The following TCERG1L variants were observed in gnomAD, a reference collection of about 807,000 sequenced individuals.
TCERG1L encodes transcription elongation regulator 1 like, also known as transcription elongation regulator 1-like protein.
Under a neutral mutation model 56.3 loss-of-function variants are expected in TCERG1L, and 37 were observed. The ratio of observed to expected loss-of-function variants is 0.66; its 90% confidence interval spans 0.51 to 0.87. TCERG1L has a LOEUF of 0.87. Ranked by LOEUF, TCERG1L falls within the 40% of genes least tolerant of loss-of-function variation. The probability of loss-of-function intolerance (pLI) is 0.00; values close to 1 mark genes in which losing one functional copy is unlikely to be tolerated. For synonymous variants in TCERG1L, 324 were observed against 326.3 expected, an observed-to-expected ratio of 0.99 and a Z score of 0.08; for missense variants, 799 against 774.2, an observed-to-expected ratio of 1.03 and a Z score of -0.38.
At chr10:131,197,038 G>A (rs977177742) in intron 4 of TCERG1L, among the ~76,000 whole-genome samples, 1 of 152,062 alleles carries the variant, frequency 6.6e-6, no homozygotes, top group African/African-American at 2.4e-5. Context: ...GGGAGTCCAT[G>A]CCCCCCTCAC....
At chr10:131,307,458 T>C (rs1846828129) in intron 3 of TCERG1L, among the ~76,000 whole-genome samples, 1 of 152,154 alleles carries the variant, frequency 6.6e-6, no homozygotes, top group Admixed American at 6.5e-5. Flanking sequence ...AGGTAGGAAA[T>C]TACAAGAAGG....
intron 7 of TCERG1L, among the ~76,000 whole-genome samples, chr10:131,137,041 G>C (rs1189041962): frequency 6.6e-6 from 1 of 151,992 alleles, no homozygotes; most frequent in Non-Finnish European, 1.5e-5. Flanking sequence ...TCAGGAGGCT[G>C]AGGCAGGAGA....
chr10:131,116,319 T>C (rs1250902935), intron 9 of TCERG1L, among the ~76,000 whole-genome samples: 1 of 152,140 alleles, frequency 6.6e-6, no homozygotes, highest in Non-Finnish European at 1.5e-5. Context: ...GATAACCCCA[T>C]GGGGAAGCTA....
In TCERG1L at chr10:131,310,844, C is replaced by A. The variant is rs1311110931; in HGVS notation, c.342+450G>T. On this transcript the variant is annotated intron_variant, in intron 1 of 11. Transcript: ENST00000368642. Reference sequence around the variant, plus strand: ...AAATGAAAGGGGGAAAAACCCAAACCAGATTAGAATCTGAAACAGCTGAAA... The same window carrying A: ...AAATGAAAGGGGGAAAAACCCAAACAAGATTAGAATCTGAAACAGCTGAAA... Among the ~76,000 whole-genome samples, 3 of 152,236 alleles carry A rather than the reference C, an allele frequency of 2.0e-5. No homozygotes were observed. The East Asian group carries it at 5.8e-4, about 29-fold the overall frequency.
chr10:131,124,051 C>T (rs1845540618), intron 8 of TCERG1L, among the ~76,000 whole-genome samples: 3 of 152,118 alleles, frequency 2.0e-5, no homozygotes, highest in Admixed American at 2.0e-4. Context: ...GAGTGGGGGA[C>T]ACTTTTCTGT....
At position 131,308,268 on chromosome 10, in the gene TCERG1L, G is replaced by GCCT. The variant is rs1304922753; in HGVS notation, c.610_612dup (p.Arg204dup). On this transcript the variant is annotated inframe_insertion, in exon 3 of 12. Coordinates refer to ENST00000368642, the MANE Select transcript of TCERG1L (RefSeq NM_174937.4). ...GGGAGCGGCCTGGAGGCAGGAGCCG[G>GCCT]CCTGGACAGAGACACAGCTACTTGA... is the stretch of plus-strand genomic sequence containing the variant. 3 of 1,613,882 alleles carry GCCT rather than the reference G, an allele frequency of 1.9e-6. No individual in the cohort carries two copies. The highest frequency in any genetic ancestry group is 2.5e-6 in the Non-Finnish European group (3 of 1,179,906).
chr10:131,132,222 C>T (rs535864262), intron 8 of TCERG1L, among the ~76,000 whole-genome samples: 6 of 152,222 alleles, frequency 3.9e-5, no homozygotes, highest in South Asian at 2.1e-4. Context: ...GCAGAACAAA[C>T]GCCAAAGCAT....
intron 6 of TCERG1L, chr10:131,162,187 G>A (rs1352097337): frequency 6.6e-6 from 1 of 152,250 alleles, no homozygotes; most frequent in East Asian, 1.9e-4. Flanking sequence ...AAATTGTAAG[G>A]GTTGGAGAAT....
At chr10:131,285,524 G>GAAA (rs1371505187) in intron 3 of TCERG1L, among the ~76,000 whole-genome samples, 2,612 of 18,706 alleles carry the variant, frequency 0.14, 187 homozygotes, top group Middle Eastern at 0.25. Flanking sequence ...AAGAAAGAAA[G>GAAA]AGAGAAAGAA....
chr10:131,128,502 A>G (rs1022743875), intron 8 of TCERG1L, among the ~76,000 whole-genome samples: 2 of 152,254 alleles, frequency 1.3e-5, no homozygotes, highest in Non-Finnish European at 2.9e-5. Context: ...GGATAAAGAT[A>G]GTAACTAAAA....
At chr10:131,161,635 G>A (rs1845977720) in intron 6 of TCERG1L, 1 of 152,204 alleles carries the variant, frequency 6.6e-6, no homozygotes, top group Non-Finnish European at 1.5e-5. Flanking sequence ...TGTGACTTCA[G>A]GACCCCTGAG....
At chr10:131,213,579 G>A (rs1342525925) in intron 4 of TCERG1L, among the ~76,000 whole-genome samples, 5 of 152,316 alleles carry the variant, frequency 3.3e-5, no homozygotes, top group African/African-American at 1.2e-4. Context: ...CAGTGTCCCC[G>A]TCTATGGAAT....
chr10:131,196,735 A>C (rs984325450), intron 4 of TCERG1L, among the ~76,000 whole-genome samples: 1 of 152,226 alleles, frequency 6.6e-6, no homozygotes, highest in East Asian at 1.9e-4. Flanking sequence ...ACTGGCTGGA[A>C]CACCACCACC....
chr10:131,202,932 T>C (rs1401380484), intron 4 of TCERG1L, among the ~76,000 whole-genome samples: 2 of 152,256 alleles, frequency 1.3e-5, no homozygotes, highest in Non-Finnish European at 2.9e-5. Flanking sequence ...CACCTCAGTT[T>C]TGATTGCTTC....
At chr10:131,220,750 C>A (rs1189388845) in intron 4 of TCERG1L, among the ~76,000 whole-genome samples, 1 of 152,192 alleles carries the variant, frequency 6.6e-6, no homozygotes, top group Non-Finnish European at 1.5e-5. Context: ...AGCTCCTCCG[C>A]CCCTGCAAAG....
chr10:131,306,840 T>C (rs1260040137), intron 3 of TCERG1L, among the ~76,000 whole-genome samples: 1 of 152,092 alleles, frequency 6.6e-6, no homozygotes, highest in Non-Finnish European at 1.5e-5. Flanking sequence ...TAAAAGATAT[T>C]TAGCACATTT....
intron 8 of TCERG1L, among the ~76,000 whole-genome samples, chr10:131,131,331 TA>T (rs1845616091): frequency 2.6e-5 from 4 of 152,240 alleles, no homozygotes; most frequent in Admixed American, 2.6e-4. Flanking sequence ...GAAAGAGTTA[TA>T]AAGTCAGAAG....
intron 3 of TCERG1L, among the ~76,000 whole-genome samples, chr10:131,272,571 C>A (rs936799523): frequency 2.0e-5 from 3 of 152,160 alleles, no homozygotes; most frequent in African/African-American, 7.2e-5. Context: ...TTCCTCCCTA[C>A]CAGCCCTGTG....
chr10:131,215,043 G>C (rs559697000), intron 4 of TCERG1L, among the ~76,000 whole-genome samples: 1 of 152,294 alleles, frequency 6.6e-6, no homozygotes, highest in African/African-American at 2.4e-5. Context: ...CGAGATTGCA[G>C]GTGAGTGGGA....
Sources: allele counts gnomAD v4.1 joint callset (sites outside exome capture counted in the v4.1 genomes callset), GRCh38; gene constraint gnomAD v4.1.1; transcripts MANE v1.5; gene names NCBI Gene and HGNC (gene_info 2026-07-23, HGNC 2026-07-21).